The following ABCA3 variants were observed in gnomAD, a reference collection of about 807,000 sequenced individuals.
ABCA3 encodes the protein phospholipid-transporting ATPase ABCA3.
In ABCA3, 88 loss-of-function variants were observed where a neutral mutation model predicts 172.8. The observed-to-expected ratio is 0.51, with a 90% CI of 0.43 to 0.61. The LOEUF (loss-of-function observed/expected upper bound fraction) is 0.61, where lower values mean the gene tolerates loss of function less well. Ranked by LOEUF, ABCA3 falls within the 20% of genes least tolerant of loss-of-function variation. ABCA3 has a pLI of 0.00. For missense variants in ABCA3, 2,164 were observed against 2,301.0 expected, an observed-to-expected ratio of 0.94 and a Z score of 1.22; for synonymous variants, 1,066 against 983.8, an observed-to-expected ratio of 1.08 and a Z score of -1.56.
At position 2,279,334 on chromosome 16, in the gene ABCA3, G is replaced by C. The variant is rs1261934335; in HGVS notation, c.4360-204C>G. ...GCTCTTGGAACAGGGACACAGGAAG[G>C]ATGTGCCTGGTGCAGGGAGGCTTCC... On this transcript the variant is annotated intron_variant, in intron 28 of 32. Transcript: ENST00000301732. The surrounding 1 kb of genome is among the most constrained non-coding windows in gnomAD (Gnocchi z 4.4). 6.6e-6 allele frequency among the ~76,000 whole-genome samples: 1 copy of C among 152,238 alleles called. No homozygotes were observed. The highest frequency in any genetic ancestry group is 1.5e-5 in the Non-Finnish European group (1 of 68,034).
At chr16:2,316,973 T>C (rs1400514143) in intron 10 of ABCA3, among the ~76,000 whole-genome samples, 5 of 152,160 alleles carry the variant, frequency 3.3e-5, no homozygotes, top group Admixed American at 2.6e-4. Flanking sequence ...GGAAAAATGA[T>C]CTTCAACGTA....
At chr16:2,312,477 GT>G (rs548942157) in intron 10 of ABCA3, among the ~76,000 whole-genome samples, 10 of 143,374 alleles carry the variant, frequency 7.0e-5, no homozygotes, top group African/African-American at 7.6e-5. Context: ...ATTTAATAAA[GT>G]TTTTTTTTTT....
intron 28 of ABCA3, among the ~76,000 whole-genome samples, chr16:2,280,266 C>G (rs553562697): frequency 2.2e-4 from 34 of 152,232 alleles, no homozygotes; most frequent in Admixed American, 2.0e-4. Context: ...AGTTTATAAT[C>G]TTTTATAATC....
chr16:2,307,692 G>A (rs184266858), intron 11 of ABCA3, among the ~76,000 whole-genome samples: 81 of 152,238 alleles, frequency 5.3e-4, no homozygotes, highest in African/African-American at 1.6e-3. Flanking sequence ...TGCAAGCTCC[G>A]CCTCCTGGGT....
Position 2,285,195 on chromosome 16 carries a change from G to A in ABCA3, c.3484-197C>T, listed in dbSNP as rs323018. Among the ~76,000 whole-genome samples the A allele has an allele frequency of 0.13, 19,103 of 152,172 alleles. 1,591 individuals carry two copies. Among genetic ancestry groups the A allele is most frequent in the Non-Finnish European group, 0.18 (12,471 of 67,968 alleles). The stretch of plus-strand genomic sequence containing the variant: ...ACCCTCTCTGTCCCAGTTTCCCCTC[G>A]TCCCCTTGCACCCGGAGCTGTAACC... On this transcript the variant is annotated intron_variant, in intron 23 of 32. Coordinates refer to ENST00000301732, the MANE Select transcript of ABCA3 (RefSeq NM_001089.3). This position sits in a 1 kb window ranked among gnomAD's most constrained non-coding sequence, Gnocchi z 4.7.
rs56188451 is a variant in ABCA3 at position 2,287,288 on chromosome 16, C to CTT, written c.3005-323_3005-322dup. ...CCAACTATGACTACCAAGACTCTTT[C>CTT]TTTTTTTTTTTGAGACAGTCTTGCT... On this transcript the variant is annotated intron_variant, in intron 21 of 32. Coordinates refer to ENST00000301732, the MANE Select transcript of ABCA3 (RefSeq NM_001089.3). The surrounding 1 kb of genome is among the most constrained non-coding windows in gnomAD (Gnocchi z 4.1). 2.0e-5 allele frequency among the ~76,000 whole-genome samples: 3 copies of CTT among 147,494 alleles called. No homozygotes were observed.
rs149038393 is a variant in ABCA3 at position 2,319,608 on chromosome 16, G to C, written c.846C>G (p.Val282=). 6.2e-7 allele frequency: 1 copy of C among 1,612,994 alleles called. No individual in the cohort carries two copies. The highest frequency in any genetic ancestry group is 8.5e-7 in the Non-Finnish European group (1 of 1,180,006). ...TYTALTIARA[V]VQEKERRLKE... is the part of the protein sequence containing the mutation. ...TCAGCCTCCTTTCCTTCTCCTGCAC[G>C]ACAGCACGGGCAATGGTGAGCGCGG... Residue 282 remains valine (V), a synonymous_variant, in exon 8 of 33, where the codon GTC becomes GTG. Coordinates refer to ENST00000301732, the MANE Select transcript of ABCA3 (RefSeq NM_001089.3).
chr16:2,289,399 T>TG, intron 20 of ABCA3, 35 bp downstream of exon 20: 10 of 1,544,346 alleles, frequency 6.5e-6, no homozygotes, highest in Non-Finnish European at 8.7e-7. Flanking sequence ...TGCTCGCCCT[T>TG]CCCCCGCCAC....
At chr16:2,288,467 G>T in intron 20 of ABCA3, 138 bp from the exon 21 acceptor site, 1 of 1,055,632 alleles carries the variant, frequency 9.5e-7, no homozygotes, top group Non-Finnish European at 1.3e-6. Flanking sequence ...GACTCCCAGA[G>T]CGTTGAAACG....
At chr16:2,339,493 T>C (rs2054854) in intron 1 of ABCA3, among the ~76,000 whole-genome samples, 16,047 of 152,266 alleles carry the variant, frequency 0.11, 2,810 homozygotes, top group African/African-American at 0.36. Context: ...CTTACATTTC[T>C]CATGAGGCAA....
At position 2,289,327 on chromosome 16, in the gene ABCA3, G is replaced by GGA. The variant is rs755517022; in HGVS notation, c.2700+105_2700+106dup. 30 of 1,394,540 alleles carry GGA rather than the reference G, an allele frequency of 2.2e-5. No homozygotes were observed. In the South Asian group the frequency reaches 3.6e-4, roughly 17 times the overall value. The allele number at this position is 1,394,540 out of a possible 1,614,324, so 86.4% of individuals were successfully genotyped here. On this transcript the variant is annotated intron_variant, in intron 20 of 32. Coordinates refer to ENST00000301732, the MANE Select transcript of ABCA3 (RefSeq NM_001089.3). ...CTCTGCCCGGTGTGCTGACTCTCCC[G>GGA]GACCCTGTTTGCGCCCTCGCAGACT...
At chr16:2,333,559 C>A (rs2093746780) in intron 1 of ABCA3, among the ~76,000 whole-genome samples, 1 of 152,142 alleles carries the variant, frequency 6.6e-6, no homozygotes, top group Non-Finnish European at 1.5e-5. Context: ...TTAATGGAGG[C>A]CGGTAGAATC....
chr16:2,298,600 G>A, intron 14 of ABCA3, 60 bp from the exon 15 acceptor site: 5 of 1,594,120 alleles, frequency 3.1e-6, no homozygotes, highest in Non-Finnish European at 4.3e-6. Context: ...AGCACCCGCG[G>A]TAATGACCCC....
chr16:2,299,451 G>T lies in ABCA3; in HGVS notation c.1693C>A (p.Leu565Met). 1.2e-6 allele frequency: 2 copies of T among 1,613,904 alleles called. No individual in the cohort carries two copies. Among genetic ancestry groups the T allele is most frequent in the Non-Finnish European group, 1.7e-6 (2 of 1,179,994 alleles). ...NLYEGQITVLLGHNGAGKTTT... is the reference protein window; with the variant it reads ...NLYEGQITVLMGHNGAGKTTT... Reference sequence around the variant, plus strand: ...GTCTTCCCGGCACCGTTGTGGCCCAGCAGGACGGTGATCTGTCCCTCGTAC... The same window carrying T: ...GTCTTCCCGGCACCGTTGTGGCCCATCAGGACGGTGATCTGTCCCTCGTAC... The change falls in exon 14 of 33, where the codon CTG becomes ATG. Residue 565 changes from leucine to methionine, a missense_variant. By Grantham distance (15) the Leu-to-Met change is conservative. Transcript: ENST00000301732.
At chr16:2,292,118 A>G in intron 19 of ABCA3, 22 bp downstream of exon 19, 2 of 1,589,680 alleles carry the variant, frequency 1.3e-6, no homozygotes, top group Non-Finnish European at 1.7e-6. Flanking sequence ...TCCTAGGTGG[A>G]CGGAAATGCG....
At chr16:2,293,137 C>T (rs915059128) in intron 18 of ABCA3, among the ~76,000 whole-genome samples, 9 of 150,250 alleles carry the variant, frequency 6.0e-5, no homozygotes, top group Non-Finnish European at 8.9e-5. Flanking sequence ...CTGCAAGCTC[C>T]GCCTCCCAGG....
rs1198008776 is a variant in ABCA3 at position 2,340,713 on chromosome 16, C to A, written c.-679G>T. 6.6e-6 allele frequency: 1 copy of A among 150,618 alleles called. No individual in the cohort carries two copies. Among genetic ancestry groups the A allele is most frequent in the South Asian group, 2.1e-4 (1 of 4,830 alleles). The allele number at this position is 150,618 out of a possible 1,614,324, so 9.3% of individuals were successfully genotyped here. On this transcript the variant is annotated 5_prime_UTR_variant, in exon 1 of 33. Coordinates refer to ENST00000301732, the MANE Select transcript of ABCA3 (RefSeq NM_001089.3). ...TGGCCGCCCTGGAGGGGAGGGTGCG[C>A]CTGCAACCCGCTACTGGCGGACGCA...
In ABCA3 at chr16:2,284,813, G is replaced by A. The variant is rs1052448205; in HGVS notation, c.3669C>T (p.Ala1223=). Reference sequence around the variant, plus strand: ...GCATGATGGTGACCATCAGGAAGGTGGCGATGCCTGACAGGATGTTGAAGA... The same window carrying A: ...GCATGATGGTGACCATCAGGAAGGTAGCGATGCCTGACAGGATGTTGAAGA... ...LTIFNILSGI[A]TFLMVTIMRI... The change falls in exon 24 of 33, where the codon GCC becomes GCT. Residue 1223 remains alanine (A), a synonymous_variant. Transcript: ENST00000301732. This position sits in a 1 kb window ranked among gnomAD's most constrained non-coding sequence, Gnocchi z 5.9. 8.1e-6 allele frequency: 13 copies of A among 1,613,832 alleles called. No homozygotes were observed. The African/African-American group carries it at 1.7e-4, about 22-fold the overall frequency.
intron 28 of ABCA3, among the ~76,000 whole-genome samples, 167 bp downstream of exon 28, chr16:2,280,860 G>C (rs1456784157): frequency 6.6e-6 from 1 of 152,194 alleles, no homozygotes; most frequent in Non-Finnish European, 1.5e-5. Context: ...GCGAAGCTTA[G>C]CTTTAGCTCA....
Sources: gnomAD v4.1 joint callset for allele counts (sites outside exome capture counted in the v4.1 genomes callset) on GRCh38, gnomAD v4.1.1 for gene constraint, Gnocchi (gnomAD v3.1) non-coding constraint, MANE v1.5 for transcripts, NCBI Gene and HGNC (gene_info 2026-07-23, HGNC 2026-07-21) for gene names.